CEP83: variants seen among roughly 807,000 people sequenced by gnomAD.
CEP83 encodes the protein centrosomal protein 83, also known as centrosomal protein of 83 kDa.
In CEP83, 70 loss-of-function variants were observed where a neutral mutation model predicts 101.9. The ratio of observed to expected loss-of-function variants is 0.69; its 90% CI spans 0.57 to 0.84. CEP83 has a LOEUF of 0.84. Ranked by LOEUF, CEP83 falls within the 40% of genes least tolerant of loss-of-function variation. CEP83 has a pLI of 0.00. For missense variants in CEP83, 715 were observed against 787.2 expected, an observed-to-expected ratio of 0.91 and a Z score of 1.10; for synonymous variants, 264 against 267.9, an observed-to-expected ratio of 0.99 and a Z score of 0.14.
At chr12:94,283,164 C>CG in the CEP83 span, among the ~76,000 whole-genome samples, 290 of 149,652 alleles carry the variant, frequency 1.9e-3, no homozygotes, top group African/African-American at 7.0e-3. Flanking sequence ...CAAAAAAGGA[C>CG]GGAGAGACAA....
At chr12:94,338,457 ATT>A (rs2059542002) in intron 11 of CEP83, among the ~76,000 whole-genome samples, 1 of 152,138 alleles carries the variant, frequency 6.6e-6, no homozygotes, top group African/African-American at 2.4e-5. Flanking sequence ...ACAAATGCTC[ATT>A]TCTCTTCTTG....
chr12:94,325,740 G>A (rs1183886276), intron 14 of CEP83, among the ~76,000 whole-genome samples: 1 of 152,096 alleles, frequency 6.6e-6, no homozygotes, highest in Non-Finnish European at 1.5e-5. Flanking sequence ...AATATGGGGT[G>A]GGGGAAAATT....
intron 6 of CEP83, among the ~76,000 whole-genome samples, chr12:94,386,723 T>C (rs2062170361): frequency 1.3e-5 from 2 of 152,314 alleles, no homozygotes; most frequent in Non-Finnish European, 1.5e-5. Flanking sequence ...TATTCCATCC[T>C]AGCCAGAAGC....
chr12:94,289,149 T>C, the CEP83 span, among the ~76,000 whole-genome samples: 1 of 152,330 alleles, frequency 6.6e-6, no homozygotes, highest in East Asian at 1.9e-4. Flanking sequence ...ACATGGTATC[T>C]TATAAAGAAA....
intron 2 of CEP83, among the ~76,000 whole-genome samples, chr12:94,431,474 A>T (rs1290799271): frequency 6.6e-6 from 1 of 152,194 alleles, no homozygotes; most frequent in Non-Finnish European, 1.5e-5. Context: ...GCTTCAACAC[A>T]GCAAAGGAAA....
chr12:94,394,724 C>T (rs575628093), intron 6 of CEP83, among the ~76,000 whole-genome samples: 1 of 152,136 alleles, frequency 6.6e-6, no homozygotes, highest in African/African-American at 2.4e-5. Context: ...ACAATCTACT[C>T]ATCTGACAAA....
At chr12:94,378,756 T>A in intron 7 of CEP83, 35 bp downstream of exon 7, 1 of 1,603,896 alleles carries the variant, frequency 6.2e-7, no homozygotes, top group Non-Finnish European at 8.5e-7. Flanking sequence ...TAAAAAAGTA[T>A]GCCATACTCT....
chr12:94,315,865 G>C (rs1334004458), intron 14 of CEP83, among the ~76,000 whole-genome samples: 1 of 151,998 alleles, frequency 6.6e-6, no homozygotes, highest in Admixed American at 6.6e-5. Flanking sequence ...TGTTCCATTT[G>C]CCTGTTTATC....
At chr12:94,453,409 T>G (rs1490951278) in intron 1 of CEP83, among the ~76,000 whole-genome samples, 1 of 152,206 alleles carries the variant, frequency 6.6e-6, no homozygotes, top group Non-Finnish European at 1.5e-5. Flanking sequence ...TTCCTCAATT[T>G]TTGTGTATTC....
At chr12:94,297,305 C>T in the CEP83 span, 1 of 1,612,872 alleles carries the variant, frequency 6.2e-7, no homozygotes, top group Non-Finnish European at 8.5e-7. Flanking sequence ...CTTCTGCTGT[C>T]TTCCCTTCAG....
chr12:94,456,145 A>C (rs1238366033), intron 1 of CEP83, among the ~76,000 whole-genome samples: 1 of 152,168 alleles, frequency 6.6e-6, no homozygotes, highest in Admixed American at 6.5e-5. Context: ...AAATATAATT[A>C]ATAAACTGAT....
At chr12:94,447,127 A>T (rs1279157843) in intron 1 of CEP83, among the ~76,000 whole-genome samples, 1 of 152,226 alleles carries the variant, frequency 6.6e-6, no homozygotes, top group East Asian at 1.9e-4. Context: ...TTTCAGATAG[A>T]TAACCAAAGA....
At chr12:94,413,524 G>A (rs1427282386) in intron 2 of CEP83, among the ~76,000 whole-genome samples, 4 of 152,144 alleles carry the variant, frequency 2.6e-5, no homozygotes. Context: ...AAGTAACTAT[G>A]CCTATGATTA....
chr12:94,289,568 G>A, the CEP83 span, among the ~76,000 whole-genome samples: 2 of 152,124 alleles, frequency 1.3e-5, no homozygotes, highest in African/African-American at 4.8e-5. Context: ...ACTAGGGGAC[G>A]ATTAATGAGT....
At chr12:94,336,428 C>G (rs1305627360) in intron 11 of CEP83, among the ~76,000 whole-genome samples, 1 of 152,150 alleles carries the variant, frequency 6.6e-6, no homozygotes, top group African/African-American at 2.4e-5. Flanking sequence ...CTATTTATAG[C>G]TTGGTATTAT....
chr12:94,340,797 C>T (rs980913113), intron 11 of CEP83, among the ~76,000 whole-genome samples: 2 of 152,182 alleles, frequency 1.3e-5, no homozygotes, highest in African/African-American at 2.4e-5. Context: ...TTGGCTTCAA[C>T]ATATGTTCCC....
chr12:94,332,922 G>A (rs963037953), intron 13 of CEP83, among the ~76,000 whole-genome samples: 3 of 151,268 alleles, frequency 2.0e-5, no homozygotes, highest in African/African-American at 7.3e-5. Context: ...ATACAAAATA[G>A]TACAGTGTTC....
intron 11 of CEP83, among the ~76,000 whole-genome samples, chr12:94,339,034 A>C (rs538880138): frequency 6.7e-6 from 1 of 150,226 alleles, no homozygotes; most frequent in East Asian, 2.0e-4. Context: ...GTGTGATCTC[A>C]GCTCACCGCA....
At chr12:94,399,161 C>T (rs2137543463) in intron 6 of CEP83, among the ~76,000 whole-genome samples, 1 of 152,264 alleles carries the variant, frequency 6.6e-6, no homozygotes, top group African/African-American at 2.4e-5. Context: ...GTGACCTACT[C>T]CCTGTTCTTA....
Sources: gnomAD v4.1 joint callset for allele counts (sites outside exome capture counted in the v4.1 genomes callset) on GRCh38, gnomAD v4.1.1 for gene constraint, MANE v1.5 for transcripts, NCBI Gene and HGNC (gene_info 2026-07-23, HGNC 2026-07-21) for gene names.